The following COL6A1 variants were observed in gnomAD, a reference collection of about 807,000 sequenced individuals.
COL6A1 encodes the protein collagen type VI alpha 1 chain.
COL6A1 carries 80 observed loss-of-function variants against 145.6 expected under a neutral mutation model. The ratio of observed to expected loss-of-function variants is 0.55; its 90% confidence interval spans 0.46 to 0.66. The LOEUF is 0.66. COL6A1 is among the 30% of genes least tolerant of loss of function. The probability of loss-of-function intolerance (pLI) is 0.00; values close to 1 mark genes in which losing one functional copy is unlikely to be tolerated. For missense variants in COL6A1, 1,364 were observed against 1,473.8 expected, an observed-to-expected ratio of 0.93 and a Z score of 1.22; for synonymous variants, 638 against 622.8, an observed-to-expected ratio of 1.02 and a Z score of -0.36.
At chr21:45,983,548 C>A (rs1040396449) in intron 2 of COL6A1, among the ~76,000 whole-genome samples, 2 of 152,156 alleles carry the variant, frequency 1.3e-5, no homozygotes, top group African/African-American at 4.8e-5. Flanking sequence ...CAGTCAGAGG[C>A]TGCCGGTAAC....
At chr21:46,001,169 AAGGAGGGGCCAGGGCGGTGGAG>A in intron 29 of COL6A1, 62 bp from the exon 30 acceptor site, 1 of 1,556,178 alleles carries the variant, frequency 6.4e-7, no homozygotes, top group Non-Finnish European at 8.7e-7. Flanking sequence ...TGTGGCAGCC[AAGGAGGGGCCAGGGCGGTGGAG>A]GGGAGGGGCC....
In COL6A1 at chr21:45,982,519, C is replaced by T. The variant is rs2077713845; in HGVS notation, c.98-115C>T. ...CTGCTGCCTTTTCCCGGGAGAGCCT[C>T]TCCGGGCCCGGGGCTCTGTGCTGCA... On this transcript the variant is annotated intron_variant, in intron 1 of 34. Transcript: ENST00000361866. 4 of 1,495,802 alleles carry T rather than the reference C, an allele frequency of 2.7e-6. No homozygotes were observed. The South Asian group carries it at 3.5e-5, about 13-fold the overall frequency. The allele number at this position is 1,495,802 out of a possible 1,614,324, so 92.7% of individuals were successfully genotyped here. A position where few individuals can be genotyped will look rare whatever the true frequency, so the allele number is the denominator to read the frequency against.
chr21:46,003,228 G>A, intron 34 of COL6A1, 79 bp downstream of exon 34: 4 of 1,610,046 alleles, frequency 2.5e-6, no homozygotes, highest in Non-Finnish European at 3.4e-6. Flanking sequence ...ACGGGGCTCT[G>A]GGAGGAGGGC....
chr21:45,987,099 A>G, intron 5 of COL6A1, 27 bp downstream of exon 5: 1 of 1,567,482 alleles, frequency 6.4e-7, no homozygotes, highest in South Asian at 1.2e-5. Flanking sequence ...GGAGACGGGG[A>G]GGCCCGCGGC....
At chr21:45,992,639 C>A (rs2077783288) in intron 18 of COL6A1, 109 bp from the exon 19 acceptor site, 1 of 1,223,932 alleles carries the variant, frequency 8.2e-7, no homozygotes, top group Admixed American at 2.1e-5. Context: ...GGTGGCCCCT[C>A]CCAGGGGTCC....
rs1603589585 is a variant in COL6A1 at position 45,984,384 on chromosome 21, A to C, written c.343A>C (p.Ser115Arg). The C allele has an allele frequency of 1.2e-6, 2 of 1,612,760 alleles. No individual in the cohort carries two copies. Among genetic ancestry groups the C allele is most frequent in the East Asian group, 4.5e-5 (2 of 44,880 alleles). The change falls in exon 3 of 35, where the codon AGC (serine) becomes CGC (arginine). Residue 115 changes from serine to arginine, a missense_variant. By Grantham distance (110) the Ser-to-Arg change is moderately radical. Transcript: ENST00000361866. ...RMPGGRDALK[S>R]SVDAVKYFGK... ...GCCTGGCGGCCGCGACGCACTCAAA[A>C]GCAGCGTGGACGCGGTCAAGTACTT... is the stretch of plus-strand genomic sequence containing the variant.
Position 45,994,357 on chromosome 21 carries a change from G to C in COL6A1, c.1398+128G>C. 1 of 969,456 alleles carries C rather than the reference G, an allele frequency of 1.0e-6. No homozygotes were observed. Among genetic ancestry groups the C allele is most frequent in the South Asian group, 1.4e-5 (1 of 69,162 alleles). The allele number at this position is 969,456 out of a possible 1,614,324, so 60.1% of individuals were successfully genotyped here. On this transcript the variant is annotated intron_variant, in intron 20 of 34. Coordinates refer to ENST00000361866, the MANE Select transcript of COL6A1 (RefSeq NM_001848.3). The surrounding 1 kb of genome is among the most constrained non-coding windows in gnomAD (Gnocchi z 6.8). ...GGGCCTCTGTGTTTCCGTAGATCTC[G>C]GGGGTGTCCCTGCGTGGGAGCCGGC... is the stretch of plus-strand genomic sequence containing the variant.
At position 46,001,475 on chromosome 21, in the gene COL6A1, G is replaced by A. The variant is rs560806720; in HGVS notation, c.1956+89G>A. 39 of 1,538,790 alleles carry A rather than the reference G, an allele frequency of 2.5e-5. No individual in the cohort carries two copies. In the Admixed American group the frequency reaches 2.7e-4, roughly 11 times the overall value. The stretch of plus-strand genomic sequence containing the variant: ...TGCCCGCGCCAGACCTCAGCCTCCC[G>A]AGGCCACCGCTGCATCCCTGTGACT... On this transcript the variant is annotated intron_variant, in intron 30 of 34. Transcript: ENST00000361866.
chr21:45,993,602 C>T (rs1267951357), intron 19 of COL6A1, among the ~76,000 whole-genome samples: 2 of 152,142 alleles, frequency 1.3e-5, no homozygotes, highest in Non-Finnish European at 2.9e-5. Flanking sequence ...GAGCCGGGGC[C>T]AGAGTCGCCG....
At chr21:45,986,825 C>T (rs2077741975) in intron 4 of COL6A1, 119 bp from the exon 5 acceptor site, 6 of 1,519,038 alleles carry the variant, frequency 3.9e-6, no homozygotes, top group Admixed American at 3.9e-5. Context: ...GAGAGGCCAG[C>T]CCCTCCTGCT....
chr21:45,992,977 G>A (rs9976759), intron 19 of COL6A1, among the ~76,000 whole-genome samples, 167 bp downstream of exon 19: 380 of 152,352 alleles, frequency 2.5e-3, no homozygotes, highest in African/African-American at 8.3e-3. Flanking sequence ...TGAAGCCGGC[G>A]CCCAGCCATG....
chr21:46,003,029 CCT>C (rs377189341), intron 33 of COL6A1, 89 bp from the exon 34 acceptor site: 16 of 1,586,446 alleles, frequency 1.0e-5, no homozygotes, highest in Middle Eastern at 1.7e-4. Context: ...CACGGCCACC[CCT>C]GTGCTCGGCC....
At chr21:45,999,092 G>A in intron 25 of COL6A1, 61 bp from the exon 26 acceptor site, 2 of 1,548,408 alleles carry the variant, frequency 1.3e-6, no homozygotes, top group East Asian at 2.4e-5. Context: ...CTGTGGACGG[G>A]GCCAGCGCGC....
At chr21:45,997,794 G>C (rs1236698971) in intron 22 of COL6A1, 32 bp downstream of exon 22, 6 of 1,560,262 alleles carry the variant, frequency 3.8e-6, no homozygotes, top group Non-Finnish European at 4.3e-6. Flanking sequence ...CCCTAGGGCG[G>C]AGGCCTGGCC....
At chr21:45,992,624 G>A (rs894561264) in intron 18 of COL6A1, 124 bp from the exon 19 acceptor site, 27 of 1,099,770 alleles carry the variant, frequency 2.5e-5, no homozygotes, top group Admixed American at 1.7e-4. Flanking sequence ...GGCATGCGGT[G>A]GAGGGGTGGC....
At chr21:45,985,313 CAGAG>C (rs915078363) in intron 3 of COL6A1, among the ~76,000 whole-genome samples, 1 of 148,890 alleles carries the variant, frequency 6.7e-6, no homozygotes, top group African/African-American at 2.5e-5. Context: ...GAGAGGGAGA[CAGAG>C]AGATAGAAGC....
At chr21:45,981,974 C>A in intron 1 of COL6A1, 27 bp downstream of exon 1, 1 of 1,547,384 alleles carries the variant, frequency 6.5e-7, no homozygotes, top group South Asian at 1.2e-5. Flanking sequence ...GGTGCAGGCT[C>A]CAGACCCCCC....
chr21:45,986,421 G>A lies in COL6A1; in HGVS notation c.429-105G>A, dbSNP rs1177083655. The A allele has an allele frequency of 3.6e-6, 4 of 1,123,942 alleles. No individual in the cohort carries two copies. In the South Asian group the frequency reaches 4.0e-5, roughly 11 times the overall value. The allele number at this position is 1,123,942 out of a possible 1,614,324, so 69.6% of individuals were successfully genotyped here. On this transcript the variant is annotated intron_variant, in intron 3 of 34. Transcript: ENST00000361866. ...ATAGCCAGGATCAGCAAAGAGAGGC[G>A]GCTCCTCCCGGTGAGACAGGGACCA...
Position 45,984,339 on chromosome 21 carries a change from A to G in COL6A1, c.298A>G (p.Ile100Val). Reference sequence around the variant, plus strand: ...GCACTACAGTGACGAGGTGGAGATCATCCAAGGCCTCACGCGCATGCCTGG... The same window carrying G: ...GCACTACAGTGACGAGGTGGAGATCGTCCAAGGCCTCACGCGCATGCCTGG... ...ALHYSDEVEIIQGLTRMPGGR... is the reference protein window; with the variant it reads ...ALHYSDEVEIVQGLTRMPGGR... The change falls in exon 3 of 35, where the codon ATC (isoleucine) becomes GTC (valine). Residue 100 changes from isoleucine (I) to valine (V), a missense_variant. By Grantham distance (29) the Ile-to-Val change is conservative (BLOSUM62 3). Coordinates refer to ENST00000361866, the MANE Select transcript of COL6A1 (RefSeq NM_001848.3). 1 of 1,612,492 alleles carries G rather than the reference A, an allele frequency of 6.2e-7. No individual in the cohort carries two copies. The highest frequency in any genetic ancestry group is 1.1e-5 in the South Asian group (1 of 91,036).
Sources: gnomAD v4.1 joint callset for allele counts (sites outside exome capture counted in the v4.1 genomes callset) on GRCh38, gnomAD v4.1.1 for gene constraint, Gnocchi (gnomAD v3.1) non-coding constraint, MANE v1.5 for transcripts, NCBI Gene and HGNC (gene_info 2026-07-23, HGNC 2026-07-21) for gene names.